IKZF5: variants seen among roughly 807,000 people sequenced by gnomAD.
The protein encoded by IKZF5 is zinc finger protein Pegasus.
Under a neutral mutation model 30.7 loss-of-function variants are expected in IKZF5, and 4 were observed. The observed-to-expected ratio is 0.13, with a 90% CI of 0.06 to 0.30. IKZF5 has a LOEUF of 0.30. Among genes scored for constraint, IKZF5 ranks in the 10% least tolerant of loss-of-function variants. The pLI is 1.00. For missense variants in IKZF5, 348 were observed against 525.5 expected (o/e 0.66, Z 3.30); for synonymous variants, 148 against 179.6 (o/e 0.82, Z 1.41).
rs545751874 is a variant in IKZF5, at chr10:122,998,732, A to G, written c.-46-61T>C. On this transcript the variant is annotated intron_variant, in intron 2 of 4. Coordinates refer to ENST00000368886, the MANE Select transcript of IKZF5 (RefSeq NM_001372123.1). The stretch of plus-strand genomic sequence containing the variant: ...ACATAGCAAACAAATGACAAAAGCT[A>G]TTTTGTGCAAGACACTATATAAAGC... 1.6e-5 allele frequency: 15 copies of G among 938,476 alleles called. No homozygotes were observed. The East Asian group carries it at 3.7e-4, about 23-fold the overall frequency. 58.1% of individuals were successfully genotyped at this position (938,476 alleles called of 1,614,324 possible).
rs368544290 is a variant in IKZF5, at chr10:122,994,167, G to C, written c.873C>G (p.Pro291=). 15 of 1,614,032 alleles carry C rather than the reference G, an allele frequency of 9.3e-6. No individual in the cohort carries two copies. Among genetic ancestry groups the C allele is most frequent in the South Asian group, 6.6e-5 (6 of 91,090 alleles). Residue 291 remains proline, a synonymous_variant, in exon 5 of 5, where the codon CCC becomes CCG. Transcript: ENST00000368886. This position sits in a 1 kb window ranked among gnomAD's most constrained non-coding sequence, Gnocchi z 5.6. ...PDEKPFMIQQ[P]STQAVVSAVS... The stretch of plus-strand genomic sequence containing the variant: ...CGGCAGAAACTACTGCTTGGGTAGA[G>C]GGCTGCTGAATCATGAAAGGCTTTT...
At chr10:122,995,563 T>C (rs1274976988) in intron 4 of IKZF5, among the ~76,000 whole-genome samples, 1 of 152,166 alleles carries the variant, frequency 6.6e-6, no homozygotes, top group Admixed American at 6.5e-5. Context: ...GTTGGGAAAG[T>C]TTCTCAGAAG....
At chr10:123,005,470 ATCATG>A (rs1849746829) in intron 2 of IKZF5, among the ~76,000 whole-genome samples, 1 of 152,254 alleles carries the variant, frequency 6.6e-6, no homozygotes, top group Admixed American at 6.5e-5. Flanking sequence ...AATGTATGAT[ATCATG>A]TCATCTGAAC....
intron 2 of IKZF5, among the ~76,000 whole-genome samples, chr10:123,005,578 A>G (rs929890040): frequency 2.4e-4 from 36 of 152,278 alleles, no homozygotes; most frequent in African/African-American, 7.9e-4. Context: ...ATCGTCATGG[A>G]CTGAATGTTT....
In IKZF5 at chr10:122,994,806, G is replaced by A; in HGVS notation, c.317-83C>T. 1.8e-6 allele frequency: 2 copies of A among 1,087,390 alleles called. No individual in the cohort carries two copies. Among genetic ancestry groups the A allele is most frequent in the Non-Finnish European group, 1.3e-6 (1 of 752,984 alleles). 67.4% of individuals were successfully genotyped at this position (1,087,390 alleles called of 1,614,324 possible). On this transcript the variant is annotated intron_variant, in intron 4 of 4. Coordinates refer to ENST00000368886, the MANE Select transcript of IKZF5 (RefSeq NM_001372123.1). This position sits in a 1 kb window ranked among gnomAD's most constrained non-coding sequence, Gnocchi z 5.6. ...TTGCTTGTCCATTCATTGGACAACT[G>A]GAAATTGATCAAAAAGAAAATGCTT...
intron 2 of IKZF5, among the ~76,000 whole-genome samples, chr10:123,004,647 G>A (rs1024228486): frequency 2.0e-5 from 3 of 148,842 alleles, no homozygotes; most frequent in Admixed American, 1.3e-4. Context: ...AAAAAAGCAT[G>A]TCTATGAAAT....
chr10:122,995,356 A>G (rs1011564125), intron 4 of IKZF5, among the ~76,000 whole-genome samples: 4 of 152,336 alleles, frequency 2.6e-5, no homozygotes, highest in African/African-American at 9.6e-5. Context: ...AACATTTGGA[A>G]TATGAGATTT....
chr10:123,002,438 T>C (rs532502385), intron 2 of IKZF5, among the ~76,000 whole-genome samples: 2 of 151,150 alleles, frequency 1.3e-5, no homozygotes, highest in South Asian at 4.2e-4. Context: ...GAGAATCGCT[T>C]GAACCCGGGA....
rs1010974063 is a variant in IKZF5, at chr10:122,993,280, A to T, written c.*500T>A. ...ATTATCAGTTGAAATGAAACTACCG[A>T]TTCAACTTAAGGAATGTGAACTAAA... is the stretch of plus-strand genomic sequence containing the variant. On this transcript the variant is annotated 3_prime_UTR_variant, in exon 5 of 5. Coordinates refer to ENST00000368886, the MANE Select transcript of IKZF5 (RefSeq NM_001372123.1). 3 of 152,658 alleles carry T rather than the reference A, an allele frequency of 2.0e-5. No homozygotes were observed. The highest frequency in any genetic ancestry group is 7.2e-5 in the African/African-American group (3 of 41,454). The allele number at this position is 152,658 out of a possible 1,614,324, so 9.5% of individuals were successfully genotyped here. A position where few individuals can be genotyped will look rare whatever the true frequency, so the allele number is the denominator to read the frequency against.
intron 4 of IKZF5, 94 bp downstream of exon 4, chr10:122,995,900 A>G: frequency 8.6e-7 from 1 of 1,162,454 alleles, no homozygotes. Flanking sequence ...TTCATTTTTG[A>G]ATATTAAAAC....
At chr10:122,995,970 T>C (rs201785739) in intron 4 of IKZF5, 24 bp downstream of exon 4, 1 of 1,608,044 alleles carries the variant, frequency 6.2e-7, no homozygotes, top group South Asian at 1.1e-5. Context: ...ACAGAAATGC[T>C]TTTTCCAGCT....
chr10:123,007,522 T>C (rs1049490700), intron 1 of IKZF5, among the ~76,000 whole-genome samples: 18 of 152,210 alleles, frequency 1.2e-4, no homozygotes, highest in African/African-American at 3.9e-4. Flanking sequence ...AGCTTAGTAC[T>C]GCTGAACAGC....
Position 122,994,254 on chromosome 10 carries a change from C to T in IKZF5, c.786G>A (p.Leu262=), listed in dbSNP as rs1264221277. The change falls in exon 5 of 5, where the codon TTG becomes TTA. Residue 262 remains leucine (L), a synonymous_variant. Transcript: ENST00000368886. The surrounding 1 kb of genome is among the most constrained non-coding windows in gnomAD (Gnocchi z 5.6). ...LNQLSTLAGQ[L]SSLPPENQNP... is the part of the protein sequence containing the mutation. ...TTTGGTTTTCGGGTGGCAGACTGGACAACTGCCCTGCTAGAGTCGAGAGCT... is the reference window on the plus strand; with the variant it reads ...TTTGGTTTTCGGGTGGCAGACTGGATAACTGCCCTGCTAGAGTCGAGAGCT... 1 of 1,613,848 alleles carries T rather than the reference C, an allele frequency of 6.2e-7. No individual in the cohort carries two copies. The highest frequency in any genetic ancestry group is 1.3e-5 in the African/African-American group (1 of 74,862).
intron 4 of IKZF5, among the ~76,000 whole-genome samples, chr10:122,995,380 T>C (rs967492220): frequency 2.0e-5 from 3 of 152,202 alleles, no homozygotes; most frequent in Non-Finnish European, 4.4e-5. Context: ...GTCATTCATC[T>C]AGTAAGTATG....
chr10:123,004,629 T>TAAAA (rs34085831), intron 2 of IKZF5, among the ~76,000 whole-genome samples: 3 of 145,894 alleles, frequency 2.1e-5, no homozygotes, highest in Non-Finnish European at 1.5e-5. Flanking sequence ...ATGATAAACT[T>TAAAA]AAAAAAAAAA....
intron 2 of IKZF5, among the ~76,000 whole-genome samples, chr10:123,002,514 G>C (rs1849625793): frequency 7.8e-6 from 1 of 127,756 alleles, no homozygotes; most frequent in South Asian, 2.5e-4. Flanking sequence ...GCAAAATTCT[G>C]TCTCCAAAAA....
chr10:123,006,415 C>G (rs962599054), intron 2 of IKZF5, among the ~76,000 whole-genome samples: 8 of 152,250 alleles, frequency 5.3e-5, no homozygotes, highest in Middle Eastern at 3.4e-3. Flanking sequence ...TATGTGCACC[C>G]CCCCCAGCCT....
chr10:122,994,803 ACT>A lies in IKZF5; in HGVS notation c.317-82_317-81del. ...GTTTTGCTTGTCCATTCATTGGACAACTGGAAATTGATCAAAAAGAAAATGCT... is the reference window on the plus strand; with the variant it reads ...GTTTTGCTTGTCCATTCATTGGACAAGGAAATTGATCAAAAAGAAAATGCT... On this transcript the variant is annotated intron_variant, in intron 4 of 4. Transcript: ENST00000368886. This position sits in a 1 kb window ranked among gnomAD's most constrained non-coding sequence, Gnocchi z 5.6. 1 of 1,125,088 alleles carries A rather than the reference ACT, an allele frequency of 8.9e-7. No homozygotes were observed. The highest frequency in any genetic ancestry group is 1.6e-5 in the African/African-American group (1 of 64,064). 69.7% of individuals were successfully genotyped at this position (1,125,088 alleles called of 1,614,324 possible). A position where few individuals can be genotyped will look rare whatever the true frequency, so the allele number is the denominator to read the frequency against.
chr10:123,001,643 A>T (rs918773336), intron 2 of IKZF5, among the ~76,000 whole-genome samples: 2 of 152,152 alleles, frequency 1.3e-5, no homozygotes, highest in African/African-American at 4.8e-5. Flanking sequence ...GGTTATATGC[A>T]CGTATGTGGC....
Sources: allele counts gnomAD v4.1 joint callset (sites outside exome capture counted in the v4.1 genomes callset), GRCh38; gene constraint gnomAD v4.1.1; non-coding constraint Gnocchi (gnomAD v3.1); transcripts MANE v1.5; gene names NCBI Gene and HGNC (gene_info 2026-07-23, HGNC 2026-07-21).